The following CRACD variants were observed in gnomAD, a reference collection of about 807,000 sequenced individuals.
CRACD encodes capping protein inhibiting regulator of actin dynamics.
In CRACD, 56 loss-of-function variants were observed where a neutral mutation model predicts 106.8. That is an observed-to-expected ratio of 0.52 (90% confidence interval 0.42 to 0.66). The LOEUF is 0.66. Ranked by LOEUF, CRACD falls within the 30% of genes least tolerant of loss-of-function variation. The pLI is 0.00. For synonymous variants in CRACD, 754 were observed against 670.8 expected (o/e 1.12, Z -1.92); for missense variants, 1,730 against 1,623.2 (o/e 1.07, Z -1.13).
In CRACD at chr4:56,180,448, T is replaced by C. The variant is rs527991355; in HGVS notation, c.-189+1018T>C. Among the ~76,000 whole-genome samples the C allele has an allele frequency of 5.2e-3, 794 of 151,744 alleles. 8 individuals carry two copies. Among genetic ancestry groups the C allele is most frequent in the African/African-American group, 0.018 (753 of 41,344 alleles). ...AGGTTGCAGTGAGCCGAGATCTCACTGCTGCACTCCAGCCTGGGTGACAGT... is the reference window on the plus strand; with the variant it reads ...AGGTTGCAGTGAGCCGAGATCTCACCGCTGCACTCCAGCCTGGGTGACAGT... On this transcript the variant is annotated intron_variant, in intron 2 of 10. Coordinates refer to ENST00000682029, the MANE Select transcript of CRACD (RefSeq NM_001393381.1).
intron 1 of CRACD, among the ~76,000 whole-genome samples, chr4:56,080,229 A>G (rs558992755): frequency 6.6e-6 from 1 of 152,242 alleles, no homozygotes; most frequent in Non-Finnish European, 1.5e-5. Context: ...AAACGGTGGT[A>G]AAAAAACTGA....
chr4:56,213,374 A>C (rs906244068), intron 2 of CRACD, among the ~76,000 whole-genome samples: 17 of 152,186 alleles, frequency 1.1e-4, no homozygotes, highest in African/African-American at 3.6e-4. Flanking sequence ...TGAACCCGGG[A>C]GGCAGAGGTT....
chr4:56,286,510 A>G (rs1743351542), intron 3 of CRACD, among the ~76,000 whole-genome samples: 1 of 125,430 alleles, frequency 8.0e-6, no homozygotes, highest in Non-Finnish European at 1.7e-5. Context: ...TGGGCGACAG[A>G]GCGAGACTCC....
chr4:56,284,996 A>C (rs979754195), intron 3 of CRACD, among the ~76,000 whole-genome samples: 3 of 152,202 alleles, frequency 2.0e-5, no homozygotes, highest in African/African-American at 7.2e-5. Context: ...AAAGAGGTTT[A>C]ATTGACTCAC....
At chr4:56,262,326 G>C (rs1741752818) in intron 2 of CRACD, among the ~76,000 whole-genome samples, 1 of 152,118 alleles carries the variant, frequency 6.6e-6, no homozygotes, top group African/African-American at 2.4e-5. Flanking sequence ...AGGTCTTTGG[G>C]GTTATGTATG....
At chr4:56,138,319 C>T (rs1735075354) in intron 1 of CRACD, among the ~76,000 whole-genome samples, 1 of 151,970 alleles carries the variant, frequency 6.6e-6, no homozygotes, top group African/African-American at 2.4e-5. Flanking sequence ...CAAAAATTAG[C>T]TGGGTGTAAT....
chr4:56,307,373 T>C (rs35271274), intron 4 of CRACD, among the ~76,000 whole-genome samples, 162 bp from the exon 5 acceptor site: 3,840 of 152,270 alleles, frequency 0.025, 80 homozygotes, highest in Non-Finnish European at 0.043. Flanking sequence ...CAAATTAACT[T>C]ATTACAGGAT....
At chr4:56,308,984 T>C in intron 5 of CRACD, 2 of 998,186 alleles carry the variant, frequency 2.0e-6, no homozygotes, top group Non-Finnish European at 1.4e-6. Flanking sequence ...GCCCCCCATC[T>C]CTGTAGTTTA....
At chr4:56,302,161 G>A (rs1744405387) in intron 4 of CRACD, among the ~76,000 whole-genome samples, 1 of 152,202 alleles carries the variant, frequency 6.6e-6, no homozygotes, top group Admixed American at 6.5e-5. Flanking sequence ...GGCCCCTCCT[G>A]CTCTTAAGAT....
intron 8 of CRACD, among the ~76,000 whole-genome samples, chr4:56,320,435 G>T (rs183886550): frequency 1.3e-5 from 2 of 152,186 alleles, no homozygotes; most frequent in African/African-American, 2.4e-5. Flanking sequence ...AATAGGTGAT[G>T]CAATTGACTA....
At chr4:56,124,183 C>T (rs1208709685) in intron 1 of CRACD, among the ~76,000 whole-genome samples, 1 of 152,208 alleles carries the variant, frequency 6.6e-6, no homozygotes, top group Non-Finnish European at 1.5e-5. Flanking sequence ...GGTAATCCAC[C>T]TGCCTCAGCC....
intron 2 of CRACD, among the ~76,000 whole-genome samples, chr4:56,235,282 T>A (rs1739898473): frequency 6.6e-6 from 1 of 152,174 alleles, no homozygotes; most frequent in Non-Finnish European, 1.5e-5. Flanking sequence ...TCTAAAGACA[T>A]CCAAACCATT....
intron 1 of CRACD, among the ~76,000 whole-genome samples, chr4:56,080,586 A>T (rs1046298540): frequency 5.9e-5 from 9 of 152,230 alleles, no homozygotes; most frequent in Non-Finnish European, 1.2e-4. Flanking sequence ...TTTGTTTATC[A>T]GTTAGGCTCG....
At chr4:56,149,846 C>G (rs1018700540) in intron 1 of CRACD, among the ~76,000 whole-genome samples, 3 of 152,272 alleles carry the variant, frequency 2.0e-5, no homozygotes, top group African/African-American at 7.2e-5. Flanking sequence ...ATGTAAATTT[C>G]TTAACTTCGG....
intron 3 of CRACD, among the ~76,000 whole-genome samples, chr4:56,273,204 C>G (rs1268970444): frequency 6.6e-6 from 1 of 152,116 alleles, no homozygotes; most frequent in Non-Finnish European, 1.5e-5. Flanking sequence ...GCAGGTTGCT[C>G]AGGCACAGGT....
At chr4:56,060,320 G>C (rs1043740377) in intron 1 of CRACD, among the ~76,000 whole-genome samples, 9 of 147,096 alleles carry the variant, frequency 6.1e-5, no homozygotes, top group Non-Finnish European at 1.0e-4. Flanking sequence ...AGAAAGACAG[G>C]GCTGAATTTA....
At chr4:56,290,395 T>C (rs570208032) in intron 3 of CRACD, among the ~76,000 whole-genome samples, 5 of 152,192 alleles carry the variant, frequency 3.3e-5, no homozygotes, top group East Asian at 3.9e-4. Context: ...TGTGGGAAGA[T>C]TGATGAATTC....
At chr4:56,208,515 T>C (rs1264624148) in intron 2 of CRACD, among the ~76,000 whole-genome samples, 1 of 152,198 alleles carries the variant, frequency 6.6e-6, no homozygotes, top group Non-Finnish European at 1.5e-5. Context: ...GGAGAATCTA[T>C]TATTAGGTAC....
Position 56,314,744 on chromosome 4 carries a change from C to G in CRACD, c.1242C>G (p.Asp414Glu). Residue 414 changes from aspartate (D) to glutamate (E), a missense_variant, in exon 8 of 11, where the codon GAC becomes GAG. Around this residue, in one of 5 missense-constraint regions of CRACD, gnomAD observed 1,620 missense variants for 1,481.6 expected, o/e 1.09. Coordinates refer to ENST00000682029, the MANE Select transcript of CRACD (RefSeq NM_001393381.1). The surrounding 1 kb of genome is among the most constrained non-coding windows in gnomAD (Gnocchi z 4.4). ...EEEEGQAHLE[D>E]WRGQLSELLN... ...AGGAGGGCCAGGCGCACCTGGAGGA[C>G]TGGAGGGGGCAGCTCAGTGAGCTTC... 6.3e-7 allele frequency: 1 copy of G among 1,583,276 alleles called. No individual in the cohort carries two copies. Among genetic ancestry groups the G allele is most frequent in the Non-Finnish European group, 8.6e-7 (1 of 1,165,766 alleles).
Sources: allele counts gnomAD v4.1 joint callset (sites outside exome capture counted in the v4.1 genomes callset), GRCh38; gene constraint gnomAD v4.1.1; regional missense constraint gnomAD v4.1.1; non-coding constraint Gnocchi (gnomAD v3.1); transcripts MANE v1.5; gene names NCBI Gene and HGNC (gene_info 2026-07-23, HGNC 2026-07-21).